The following LAMA2 variants were observed in gnomAD, a reference collection of about 807,000 sequenced individuals.
LAMA2 encodes the protein laminin subunit alpha 2.
A neutral mutation model predicts 364.8 loss-of-function variants in LAMA2; 269 were observed. The observed-to-expected ratio is 0.74, with a 90% confidence interval of 0.67 to 0.82. LAMA2 has a LOEUF of 0.82. LAMA2 is among the 40% of genes least tolerant of loss of function. The pLI, the probability that LAMA2 is intolerant of heterozygous loss-of-function variation, is 0.00. For missense variants in LAMA2, 3,807 were observed against 3,873.2 expected (o/e 0.98, Z 0.45); for synonymous variants, 1,379 against 1,370.6 (o/e 1.01, Z -0.14).
At chr6:129,037,525 A>G (rs551549936) in intron 1 of LAMA2, among the ~76,000 whole-genome samples, 121 of 152,252 alleles carry the variant, frequency 7.9e-4, no homozygotes, top group African/African-American at 2.9e-3. Flanking sequence ...ATGTTGAGAC[A>G]TTTTTCGAGA....
intron 14 of LAMA2, among the ~76,000 whole-genome samples, chr6:129,258,118 T>C (rs1786836808): frequency 1.3e-5 from 2 of 152,032 alleles, no homozygotes; most frequent in African/African-American, 4.8e-5. Context: ...ATCCTGCATA[T>C]ATAGATGGCA....
At position 129,270,722 on chromosome 6, in the gene LAMA2, T is replaced by A; in HGVS notation, c.2421T>A (p.Cys807Ter). The A allele has an allele frequency of 6.2e-7, 1 of 1,613,318 alleles. No homozygotes were observed. Among genetic ancestry groups the A allele is most frequent in the Non-Finnish European group, 8.5e-7 (1 of 1,179,522 alleles). ...TKGTSEDCQP[C>*]ACPLNIPSNN... Reference sequence around the variant, plus strand: ...GAACCTCTGAAGACTGTCAACCCTGTGCCTGTCCACTCAATATCCCATCCA... The same window carrying A: ...GAACCTCTGAAGACTGTCAACCCTGAGCCTGTCCACTCAATATCCCATCCA... Residue 807 changes from cysteine to a stop codon, truncating the protein, a stop_gained, in exon 17 of 65, where the codon TGT becomes TGA. Coordinates refer to ENST00000421865, the MANE Select transcript of LAMA2 (RefSeq NM_000426.4). LOFTEE classifies it high-confidence loss of function.
intron 9 of LAMA2, among the ~76,000 whole-genome samples, chr6:129,176,604 A>G (rs562172579): frequency 7.9e-5 from 12 of 152,216 alleles, no homozygotes; most frequent in African/African-American, 2.2e-4. Flanking sequence ...TGCTTATTTG[A>G]AGCATAAACA....
At chr6:129,410,839 G>A (rs1295395745) in intron 40 of LAMA2, among the ~76,000 whole-genome samples, 1 of 152,180 alleles carries the variant, frequency 6.6e-6, no homozygotes, top group Non-Finnish European at 1.5e-5. Context: ...CAAAGTCCCA[G>A]TATCTGTGAG....
At position 129,173,038 on chromosome 6, in the gene LAMA2, G is replaced by C. The variant is rs563561226; in HGVS notation, c.1307-4668G>C. 7.9e-5 allele frequency among the ~76,000 whole-genome samples: 12 copies of C among 152,172 alleles called. No individual in the cohort carries two copies. In the South Asian group the frequency reaches 1.2e-3, roughly 16 times the overall value. ...GCCTCGCCCTGCTTCGGCTCGCGCA[G>C]GGTGCGCGCACCCACTGACCTGCGC... On this transcript the variant is annotated intron_variant, in intron 9 of 64. Coordinates refer to ENST00000421865, the MANE Select transcript of LAMA2 (RefSeq NM_000426.4).
At chr6:129,057,669 T>G (rs1788582024) in intron 2 of LAMA2, among the ~76,000 whole-genome samples, 1 of 152,224 alleles carries the variant, frequency 6.6e-6, no homozygotes, top group Non-Finnish European at 1.5e-5. Context: ...TTGAATGATT[T>G]GTCTGTGGTC....
intron 1 of LAMA2, among the ~76,000 whole-genome samples, chr6:128,910,313 T>C (rs1777819224): frequency 6.6e-6 from 1 of 152,216 alleles, no homozygotes; most frequent in Admixed American, 6.5e-5. Context: ...TAGTCCCATA[T>C]TTCTTGGAGG....
intron 40 of LAMA2, among the ~76,000 whole-genome samples, chr6:129,415,320 T>G (rs1262432498): frequency 2.6e-5 from 4 of 152,204 alleles, no homozygotes; most frequent in Admixed American, 2.6e-4. Flanking sequence ...GGCCATTTGA[T>G]GCTTGATTGC....
At position 129,091,736 on chromosome 6, in the gene LAMA2, G is replaced by C. The variant is rs887070566; in HGVS notation, c.397-6437G>C. 6.6e-5 allele frequency among the ~76,000 whole-genome samples: 10 copies of C among 152,294 alleles called. No homozygotes were observed. The East Asian group carries it at 1.2e-3, about 18-fold the overall frequency. On this transcript the variant is annotated intron_variant, in intron 3 of 64. Transcript: ENST00000421865. ...ACCACATTATTCTAGGTTTATTGAA[G>C]TAAATGTAAACTTATAAGGGGACAT...
chr6:129,430,384 G>A (rs1282177425), intron 41 of LAMA2, among the ~76,000 whole-genome samples: 1 of 152,194 alleles, frequency 6.6e-6, no homozygotes, highest in African/African-American at 2.4e-5. Flanking sequence ...GAATGACTTA[G>A]TACTGCTCCC....
intron 1 of LAMA2, among the ~76,000 whole-genome samples, chr6:129,005,917 T>G (rs1167891805): frequency 6.6e-6 from 1 of 151,782 alleles, no homozygotes; most frequent in East Asian, 1.9e-4. Context: ...CATTTTTTGT[T>G]TGGGTAATTA....
chr6:129,145,018 C>G (rs1487524001), intron 5 of LAMA2, among the ~76,000 whole-genome samples: 1 of 151,890 alleles, frequency 6.6e-6, no homozygotes, highest in African/African-American at 2.4e-5. Context: ...CCAGGGAAGT[C>G]AATTCAGCCA....
rs544271722 is a variant in LAMA2 at position 129,066,038 on chromosome 6, G to GTTTTTTTTTTTTTTT, written c.396+6153_396+6167dup. Among the ~76,000 whole-genome samples, 201 of 37,030 alleles carry GTTTTTTTTTTTTTTT rather than the reference G, an allele frequency of 5.4e-3. 13 individuals are homozygous for GTTTTTTTTTTTTTTT. Among genetic ancestry groups the GTTTTTTTTTTTTTTT allele is most frequent in the African/African-American group, 0.016 (190 of 11,620 alleles). 24.3% of individuals were successfully genotyped at this position (37,030 alleles called of 152,430 possible). A position where few individuals can be genotyped will look rare whatever the true frequency, so the allele number is the denominator to read the frequency against. On this transcript the variant is annotated intron_variant, in intron 3 of 64. Transcript: ENST00000421865. Reference sequence around the variant, plus strand: ...TCTTTTGTAAATTGCCCAGTCTCAGGTTTTTTTTTTTTTTTTTTTTTTTTT... The same window carrying GTTTTTTTTTTTTTTT: ...TCTTTTGTAAATTGCCCAGTCTCAGGTTTTTTTTTTTTTTTTTTTTTTTTTTTTTTTTTTTTTTTT...
chr6:129,314,775 G>A lies in LAMA2; in HGVS notation c.3532G>A (p.Ala1178Thr), dbSNP rs34505698. 1,872 of 1,614,050 alleles carry A rather than the reference G, an allele frequency of 1.2e-3. 3 individuals carry two copies. The highest frequency in any genetic ancestry group is 1.5e-3 in the Non-Finnish European group (1,728 of 1,180,008). ...CGGCACTACTACCCAGTGCTCTGAA[G>A]CAAAAGGACTGATCCGGACGTGGGT... ...CFGTTTQCSE[A>T]KGLIRTWVTL... Residue 1178 changes from alanine (A) to threonine (T), a missense_variant, in exon 24 of 65, where the codon GCA (alanine) becomes ACA (threonine). By Grantham distance (58) the Ala-to-Thr change is moderately conservative (BLOSUM62 0). Transcript: ENST00000421865.
At chr6:129,066,044 T>G (rs145929096) in intron 3 of LAMA2, among the ~76,000 whole-genome samples, 11 of 20,784 alleles carry the variant, frequency 5.3e-4, no homozygotes, top group African/African-American at 1.0e-3. Context: ...TCAGGTTTTT[T>G]TTTTTTTTTT....
chr6:128,990,081 A>T (rs1783513509), intron 1 of LAMA2, among the ~76,000 whole-genome samples: 1 of 152,216 alleles, frequency 6.6e-6, no homozygotes, highest in Non-Finnish European at 1.5e-5. Context: ...CTTATTCTTT[A>T]TTATGACCAC....
intron 32 of LAMA2, among the ~76,000 whole-genome samples, chr6:129,362,651 C>T (rs759889256): frequency 3.9e-5 from 6 of 152,080 alleles, no homozygotes; most frequent in South Asian, 2.1e-4. Context: ...CCTTCTTTAA[C>T]GAGGAAGAAA....
intron 1 of LAMA2, among the ~76,000 whole-genome samples, chr6:128,942,856 G>T (rs73773580): frequency 6.6e-6 from 1 of 152,120 alleles, no homozygotes; most frequent in South Asian, 2.1e-4. Flanking sequence ...GGTGGCAGGG[G>T]TAACCGAAAA....
intron 27 of LAMA2, among the ~76,000 whole-genome samples, chr6:129,317,445 T>C (rs1443309475): frequency 1.3e-5 from 2 of 152,178 alleles, no homozygotes; most frequent in Admixed American, 6.5e-5. Context: ...AAACCTTTTA[T>C]TTCATGCAGA....
Sources: allele counts gnomAD v4.1 joint callset (sites outside exome capture counted in the v4.1 genomes callset), GRCh38; gene constraint gnomAD v4.1.1; transcripts MANE v1.5; gene names NCBI Gene and HGNC (gene_info 2026-07-23, HGNC 2026-07-21).